SGCZ: variants seen among roughly 807,000 people sequenced by gnomAD.
SGCZ encodes sarcoglycan zeta.
In SGCZ, 40 loss-of-function variants were observed where a neutral mutation model predicts 41.3. That is an observed-to-expected ratio of 0.97 (90% CI 0.75 to 1.26). The LOEUF is 1.26. Among genes scored for constraint, SGCZ ranks in the 50% most tolerant of loss-of-function variants. SGCZ has a pLI of 0.00. For missense variants in SGCZ, 552 were observed against 369.8 expected (o/e 1.49, Z -4.04); for synonymous variants, 206 against 137.5 (o/e 1.50, Z -3.49).
chr8:14,191,353 T>C (rs1376394656), intron 4 of SGCZ, among the ~76,000 whole-genome samples: 6 of 152,238 alleles, frequency 3.9e-5, no homozygotes, highest in Admixed American at 3.9e-4. Context: ...CAACCTCACT[T>C]ATTTTTGCTT....
chr8:14,211,303 A>T (rs1340711191), intron 4 of SGCZ, among the ~76,000 whole-genome samples: 1 of 152,078 alleles, frequency 6.6e-6, no homozygotes, highest in Admixed American at 6.6e-5. Flanking sequence ...TCCTCCACTC[A>T]TGAACTCTAC....
chr8:14,392,650 A>T (rs1364479281), intron 2 of SGCZ, among the ~76,000 whole-genome samples: 1 of 152,194 alleles, frequency 6.6e-6, no homozygotes, highest in Non-Finnish European at 1.5e-5. Flanking sequence ...AACTATGGTT[A>T]CTTGAAATAC....
At chr8:15,004,853 T>C (rs1401457567) in intron 1 of SGCZ, among the ~76,000 whole-genome samples, 2 of 145,676 alleles carry the variant, frequency 1.4e-5, no homozygotes, top group African/African-American at 5.1e-5. Context: ...CCCAAGTGTT[T>C]ATCGCAATGA....
intron 1 of SGCZ, among the ~76,000 whole-genome samples, chr8:14,964,091 T>C (rs767847069): frequency 6.6e-6 from 1 of 152,206 alleles, no homozygotes. Flanking sequence ...ACAGACTAAG[T>C]CATACACATC....
chr8:15,095,636 C>A (rs1806319008), intron 1 of SGCZ, among the ~76,000 whole-genome samples: 2 of 151,920 alleles, frequency 1.3e-5, no homozygotes, highest in African/African-American at 4.8e-5. Flanking sequence ...AACATTCTTG[C>A]AATTGTTTTC....
At chr8:15,074,998 G>T (rs1394577972) in intron 1 of SGCZ, among the ~76,000 whole-genome samples, 4 of 152,046 alleles carry the variant, frequency 2.6e-5, no homozygotes, top group African/African-American at 9.7e-5. Context: ...CTTCCTCTCT[G>T]CATCCTCAGC....
chr8:14,376,315 A>C (rs890047798), intron 2 of SGCZ, among the ~76,000 whole-genome samples: 4 of 151,466 alleles, frequency 2.6e-5, no homozygotes, highest in Non-Finnish European at 5.9e-5. Context: ...AATCTCAAAA[A>C]AATAAAATAA....
intron 2 of SGCZ, among the ~76,000 whole-genome samples, chr8:14,461,394 T>G (rs1376093895): frequency 6.6e-6 from 1 of 152,100 alleles, no homozygotes; most frequent in Non-Finnish European, 1.5e-5. Flanking sequence ...GTCTCTCACC[T>G]CCTTACACAT....
intron 5 of SGCZ, among the ~76,000 whole-genome samples, chr8:14,153,987 C>A (rs572278554): frequency 2.0e-5 from 3 of 152,016 alleles, no homozygotes; most frequent in East Asian, 3.9e-4. Context: ...AGCAACAAGG[C>A]AGCTGTCTGC....
intron 2 of SGCZ, among the ~76,000 whole-genome samples, chr8:14,386,954 T>C (rs1159117759): frequency 1.3e-5 from 2 of 152,220 alleles, no homozygotes; most frequent in African/African-American, 2.4e-5. Context: ...TGGCGAAGGC[T>C]AGAATTTCAT....
At chr8:15,152,928 G>A (rs556402053) in intron 1 of SGCZ, among the ~76,000 whole-genome samples, 2 of 152,192 alleles carry the variant, frequency 1.3e-5, no homozygotes, top group South Asian at 4.1e-4. Context: ...CAGTCTCCTG[G>A]GTAGAGGAAA....
intron 1 of SGCZ, among the ~76,000 whole-genome samples, chr8:15,125,627 G>T (rs887882870): frequency 1.3e-5 from 2 of 151,890 alleles, no homozygotes; most frequent in African/African-American, 4.8e-5. Context: ...AATATACTCT[G>T]GAATATATCT....
At chr8:14,901,688 A>T (rs1248003754) in intron 1 of SGCZ, among the ~76,000 whole-genome samples, 3 of 152,084 alleles carry the variant, frequency 2.0e-5, no homozygotes, top group Admixed American at 6.6e-5. Context: ...GGGGTAAAAA[A>T]GTTACATATA....
chr8:14,357,794 C>T (rs1803350221), intron 2 of SGCZ, among the ~76,000 whole-genome samples: 3 of 152,200 alleles, frequency 2.0e-5, no homozygotes, highest in South Asian at 4.1e-4. Context: ...GAAGAATATG[C>T]CTGAGGTCAT....
intron 3 of SGCZ, among the ~76,000 whole-genome samples, chr8:14,257,771 T>G (rs1273807710): frequency 6.6e-6 from 1 of 152,124 alleles, no homozygotes; most frequent in Non-Finnish European, 1.5e-5. Flanking sequence ...CTGAGAATTT[T>G]GCAGCATTTT....
At chr8:14,309,666 G>C (rs1801463658) in intron 3 of SGCZ, 1 of 1,610,362 alleles carries the variant, frequency 6.2e-7, no homozygotes. Context: ...AAATAGGTTT[G>C]TTGTTTAAGA....
intron 2 of SGCZ, among the ~76,000 whole-genome samples, chr8:14,430,036 G>C (rs1031398595): frequency 2.6e-5 from 4 of 151,928 alleles, no homozygotes. Flanking sequence ...AGCTTATTTA[G>C]ATTTTCTTTC....
intron 2 of SGCZ, among the ~76,000 whole-genome samples, chr8:14,489,572 C>G (rs1801781740): frequency 1.3e-5 from 2 of 151,854 alleles, no homozygotes; most frequent in Admixed American, 6.6e-5. Context: ...TTTTAACCCA[C>G]TTTTTAAACG....
intron 1 of SGCZ, among the ~76,000 whole-genome samples, chr8:14,680,968 A>AAAAAAAAC (rs1252418496): frequency 2.8e-5 from 4 of 144,520 alleles, no homozygotes; most frequent in African/African-American, 1.1e-4. Context: ...GAGTGGGAAA[A>AAAAAAAAC]AAAAAAAAAA....
Sources: allele counts gnomAD v4.1 joint callset (sites outside exome capture counted in the v4.1 genomes callset), GRCh38; gene constraint gnomAD v4.1.1; transcripts MANE v1.5; gene names NCBI Gene and HGNC (gene_info 2026-07-23, HGNC 2026-07-21).